Variants in DPYSL4 observed in about 807,000 individuals in gnomAD.
DPYSL4 encodes the protein dihydropyrimidinase-related protein 4.
DPYSL4 carries 43 observed loss-of-function variants against 63.4 expected under a neutral mutation model. That is an observed-to-expected ratio of 0.68 (90% CI 0.53 to 0.88). DPYSL4 has a LOEUF of 0.88. DPYSL4 is among the 40% of genes least tolerant of loss of function. DPYSL4 has a pLI of 0.00. For missense variants in DPYSL4, 733 were observed against 819.5 expected, an observed-to-expected ratio of 0.89 and a Z score of 1.29; for synonymous variants, 353 against 331.7, an observed-to-expected ratio of 1.06 and a Z score of -0.70.
intron 9 of DPYSL4, 55 bp from the exon 10 acceptor site, chr10:132,200,787 C>G: frequency 6.3e-7 from 1 of 1,587,748 alleles, no homozygotes. Flanking sequence ...TGGAGCTGAC[C>G]TGGCCTCTGC....
chr10:132,195,209 G>A (rs868576512), intron 4 of DPYSL4, among the ~76,000 whole-genome samples, 200 bp downstream of exon 4: 3 of 152,148 alleles, frequency 2.0e-5, no homozygotes, highest in Non-Finnish European at 4.4e-5. Flanking sequence ...TTCCCAATCC[G>A]AGGGACCCAT....
intron 6 of DPYSL4, 33 bp from the exon 7 acceptor site, chr10:132,198,382 G>A: frequency 1.3e-6 from 2 of 1,589,002 alleles, no homozygotes; most frequent in Non-Finnish European, 1.7e-6. Flanking sequence ...TCCCTTCAGG[G>A]CTTGGAGCGA....
intron 2 of DPYSL4, 54 bp from the exon 3 acceptor site, chr10:132,192,604 A>T: frequency 2.6e-6 from 4 of 1,535,960 alleles, no homozygotes; most frequent in Non-Finnish European, 2.6e-6. Context: ...CTGGGAGCCC[A>T]TCTGGGCTCT....
intron 1 of DPYSL4, among the ~76,000 whole-genome samples, chr10:132,188,366 CA>C (rs1213447402): frequency 1.3e-5 from 2 of 152,212 alleles, no homozygotes; most frequent in Non-Finnish European, 2.9e-5. Context: ...GCCCAGACCA[CA>C]CGTCTCCTCA....
At chr10:132,192,587 T>G (rs2061892239) in intron 2 of DPYSL4, 71 bp from the exon 3 acceptor site, 27 of 1,516,476 alleles carry the variant, frequency 1.8e-5, no homozygotes, top group Middle Eastern at 3.6e-4. Flanking sequence ...TTAGCTCTGC[T>G]GCATTGCTGG....
intron 4 of DPYSL4, among the ~76,000 whole-genome samples, chr10:132,195,395 T>C (rs540111014): frequency 6.6e-6 from 1 of 152,300 alleles, no homozygotes; most frequent in African/African-American, 2.4e-5. Context: ...AACAGATCAG[T>C]CTATAAACAA....
At chr10:132,191,768 C>T (rs2061881296) in intron 2 of DPYSL4, among the ~76,000 whole-genome samples, 2 of 94,222 alleles carry the variant, frequency 2.1e-5, no homozygotes, top group African/African-American at 3.7e-5. Flanking sequence ...ACACTGGTCA[C>T]GTGGTATCCA....
intron 13 of DPYSL4, among the ~76,000 whole-genome samples, 194 bp downstream of exon 13, chr10:132,204,121 C>T (rs1033173910): frequency 1.5e-4 from 23 of 152,082 alleles, no homozygotes; most frequent in Admixed American, 1.2e-3. Flanking sequence ...CCCTCCTGCC[C>T]GCTGTCTGCC....
At chr10:132,196,773 C>T in intron 4 of DPYSL4, 88 bp from the exon 5 acceptor site, 2 of 1,504,524 alleles carry the variant, frequency 1.3e-6, no homozygotes, top group Middle Eastern at 3.5e-4. Context: ...CCCAAGACCC[C>T]CAACCCTCCA....
At chr10:132,192,419 A>C in intron 2 of DPYSL4, 4 of 1,163,068 alleles carry the variant, frequency 3.4e-6, no homozygotes, top group Non-Finnish European at 4.2e-6. Flanking sequence ...TGAGTGGAAA[A>C]CCACAGGGCG....
rs900415182 is a variant in DPYSL4 at position 132,201,296 on chromosome 10, G to A, written c.1110+313G>A. Among the ~76,000 whole-genome samples the A allele has an allele frequency of 1.6e-4, 24 of 152,042 alleles. 1 individual carries two copies. The highest frequency in any genetic ancestry group is 1.2e-3 in the Admixed American group (19 of 15,272). ...CACGCTGTGATGTTAGTGCTCCCCC[G>A]CGATGCCCTCACGACCCGTCGCACA... On this transcript the variant is annotated intron_variant, in intron 10 of 13. Coordinates refer to ENST00000338492, the MANE Select transcript of DPYSL4 (RefSeq NM_006426.3).
chr10:132,196,966 G>A (rs745811821), intron 5 of DPYSL4, 44 bp downstream of exon 5: 2 of 1,613,346 alleles, frequency 1.2e-6, no homozygotes, highest in Admixed American at 3.3e-5. Context: ...TATATCCCAG[G>A]CCGCTGCTGG....
intron 7 of DPYSL4, among the ~76,000 whole-genome samples, 175 bp from the exon 8 acceptor site, chr10:132,198,676 G>A (rs565756836): frequency 3.3e-5 from 5 of 152,300 alleles, no homozygotes; most frequent in Non-Finnish European, 5.9e-5. Flanking sequence ...GCCTGTACCC[G>A]AGGCCCAGAA....
At chr10:132,190,617 T>C (rs1206106663) in intron 1 of DPYSL4, 130 bp from the exon 2 acceptor site, 26 of 805,834 alleles carry the variant, frequency 3.2e-5, no homozygotes, top group Non-Finnish European at 5.0e-5. Context: ...CTGCAGGCTT[T>C]TGTGCTCGTT....
chr10:132,200,324 G>T (rs1240175115), intron 8 of DPYSL4, 32 bp from the exon 9 acceptor site: 19 of 1,610,636 alleles, frequency 1.2e-5, no homozygotes, highest in African/African-American at 1.3e-5. Flanking sequence ...CAGGTGGTCG[G>T]TGGGGCACCT....
rs767567139 is a variant in DPYSL4, at chr10:132,203,914, G to A, written c.1614G>A (p.Gly538=). Residue 538 remains glycine, a synonymous_variant, in exon 13 of 14, where the codon GGG becomes GGA. Transcript: ENST00000338492. ...VPPVRNLHQS[G]FSLSGSQADD... is the part of the protein sequence containing the mutation. ...CTGTGCGCAACCTACATCAGTCGGGGTTCAGCCTATCTGGTGAGTTGGGCC... is the reference window on the plus strand; with the variant it reads ...CTGTGCGCAACCTACATCAGTCGGGATTCAGCCTATCTGGTGAGTTGGGCC... 11 of 1,602,982 alleles carry A rather than the reference G, an allele frequency of 6.9e-6. No individual in the cohort carries two copies. Among genetic ancestry groups the A allele is most frequent in the South Asian group, 1.1e-5 (1 of 90,664 alleles).
chr10:132,187,694 C>T (rs1008368254), intron 1 of DPYSL4, among the ~76,000 whole-genome samples: 3 of 152,224 alleles, frequency 2.0e-5, no homozygotes, highest in Non-Finnish European at 4.4e-5. Context: ...CTTCCAGTAA[C>T]CTGGGTTCAG....
chr10:132,204,893 C>T lies in DPYSL4; in HGVS notation c.1682C>T (p.Pro561Leu). The change falls in exon 14 of 14, where the codon CCA becomes CTA. Residue 561 changes from proline (P) to leucine (L), a missense_variant. By Grantham distance (98) the Pro-to-Leu change is moderately conservative (BLOSUM62 -3). Transcript: ENST00000338492. ...CGCACAGCACAGAAGATCATGGCAC[C>T]ACCTGGCGGCCGCTCCAACATCACC... ...ARRTAQKIMA[P>L]PGGRSNITSL... 2 of 1,612,580 alleles carry T rather than the reference C, an allele frequency of 1.2e-6. No individual in the cohort carries two copies. The highest frequency in any genetic ancestry group is 1.1e-5 in the South Asian group (1 of 90,926).
chr10:132,186,974 C>T lies in DPYSL4; in HGVS notation c.-90C>T, dbSNP rs1412163126. The T allele has an allele frequency of 3.2e-6, 2 of 618,190 alleles. No individual in the cohort carries two copies. Among genetic ancestry groups the T allele is most frequent in the Admixed American group, 3.4e-5 (1 of 29,584 alleles). 38.3% of individuals were successfully genotyped at this position (618,190 alleles called of 1,614,324 possible). A position where few individuals can be genotyped will look rare whatever the true frequency, so the allele number is the denominator to read the frequency against. ...CAGTCTGTCTCCCGCCGTCCCCACG[C>T]ACGCGTCCCGGCTCACGCGTCCCCC... On this transcript the variant is annotated 5_prime_UTR_variant, in exon 1 of 14. Transcript: ENST00000338492.
Sources: gnomAD v4.1 joint callset for allele counts (sites outside exome capture counted in the v4.1 genomes callset) on GRCh38, gnomAD v4.1.1 for gene constraint, MANE v1.5 for transcripts, NCBI Gene and HGNC (gene_info 2026-07-23, HGNC 2026-07-21) for gene names.